The following POC1B variants were observed in gnomAD, a reference collection of about 807,000 sequenced individuals.
POC1B encodes POC1 centriolar protein homolog B.
In POC1B, 44 loss-of-function variants were observed where a neutral mutation model predicts 60.6. The ratio of observed to expected loss-of-function variants is 0.73; its 90% CI spans 0.57 to 0.93. POC1B has a LOEUF of 0.93. Among genes scored for constraint, POC1B ranks in the 40% least tolerant of loss-of-function variants. The probability of loss-of-function intolerance (pLI) is 0.00; values close to 1 mark genes in which losing one functional copy is unlikely to be tolerated. For missense variants in POC1B, 555 were observed against 572.3 expected (o/e 0.97, Z 0.31); for synonymous variants, 180 against 198.9 (o/e 0.90, Z 0.80).
intron 2 of POC1B, among the ~76,000 whole-genome samples, chr12:89,516,356 C>T (rs1375669461): frequency 6.6e-6 from 1 of 152,130 alleles, no homozygotes; most frequent in Non-Finnish European, 1.5e-5. Context: ...TCATTCATTC[C>T]CATGACACTA....
chr12:89,514,402 CTTTTTTTTTTT>C (rs60679774), intron 2 of POC1B, among the ~76,000 whole-genome samples: 12 of 67,094 alleles, frequency 1.8e-4, no homozygotes, highest in African/African-American at 2.4e-4. Flanking sequence ...TCATGTATTT[CTTTTTTTTTTT>C]TTTTTTTTTT....
intron 9 of POC1B, chr12:89,466,527 C>T: frequency 3.1e-6 from 1 of 327,822 alleles, no homozygotes; most frequent in South Asian, 7.6e-5. Flanking sequence ...TCACCAGAGG[C>T]CTTAGATTTA....
chr12:89,416,909 C>A (rs1201600441), downstream of POC1B, among the ~76,000 whole-genome samples: 2 of 152,158 alleles, frequency 1.3e-5, no homozygotes, highest in Non-Finnish European at 2.9e-5. Context: ...ATTAAAATTC[C>A]AAAGCCTTAG....
At chr12:89,479,430 T>G (rs1378587687) in intron 4 of POC1B, among the ~76,000 whole-genome samples, 1 of 152,200 alleles carries the variant, frequency 6.6e-6, no homozygotes, top group Admixed American at 6.5e-5. Context: ...TTTGGACACA[T>G]TTTTGGTTGT....
chr12:89,433,782 G>T (rs1158570839), intron 10 of POC1B, among the ~76,000 whole-genome samples: 1 of 152,190 alleles, frequency 6.6e-6, no homozygotes, highest in Admixed American at 6.5e-5. Context: ...TTGACAAAGA[G>T]GATGGCTGCC....
chr12:89,502,616 A>G lies in POC1B; in HGVS notation c.101-5274T>C. ...AAAGGACCCAGAAACAAGAGAGATTATTCTCATGGATCTTGTAAGGCCACA... is the reference window on the plus strand; with the variant it reads ...AAAGGACCCAGAAACAAGAGAGATTGTTCTCATGGATCTTGTAAGGCCACA... On this transcript the variant is annotated intron_variant, in intron 2 of 11. Transcript: ENST00000313546. 3.1e-6 allele frequency: 4 copies of G among 1,300,306 alleles called. No homozygotes were observed. The South Asian group carries it at 5.0e-5, about 16-fold the overall frequency. The allele number at this position is 1,300,306 out of a possible 1,614,324, so 80.5% of individuals were successfully genotyped here.
chr12:89,470,376 T>G lies in POC1B; in HGVS notation c.795A>C (p.Thr265=). Residue 265 remains threonine (T), a synonymous_variant, in exon 7 of 12, where the codon ACA becomes ACC. Transcript: ENST00000313546. ...GTGTTAATACCGTATGTCCTTGAAG[T>G]GTATAGATGAGCCTTCCTTCTAAGA... is the stretch of plus-strand genomic sequence containing the variant. ...LDLLEGRLIY[T]LQGHTGPVFT... 1 of 1,551,558 alleles carries G rather than the reference T, an allele frequency of 6.4e-7. No homozygotes were observed. Among genetic ancestry groups the G allele is most frequent in the Non-Finnish European group, 8.8e-7 (1 of 1,137,246 alleles).
intron 4 of POC1B, among the ~76,000 whole-genome samples, chr12:89,480,264 G>A (rs1324018605): frequency 1.3e-5 from 2 of 151,782 alleles, no homozygotes; most frequent in Admixed American, 1.3e-4. Context: ...AACCTCCAAA[G>A]TAGCTGGGAC....
chr12:89,472,275 T>A lies in POC1B; in HGVS notation c.453A>T (p.Lys151Asn), dbSNP rs755173263. The change falls in exon 5 of 12, where the codon AAA becomes AAT. Residue 151 changes from lysine (K) to asparagine (N), a missense_variant and splice_region_variant. Coordinates refer to ENST00000313546, the MANE Select transcript of POC1B (RefSeq NM_172240.3). The part of the protein sequence containing the change: ...YRHTHWVRCA[K>N]FSPDGRLIVS... ...CAATTAGTCTTCCATCGGGTGAAAA[T>A]CTAGAAAGAAGAAGAAAGAAGATGT... 6.5e-7 allele frequency: 1 copy of A among 1,531,580 alleles called. No individual in the cohort carries two copies. The highest frequency in any genetic ancestry group is 2.3e-5 in the East Asian group (1 of 42,584). The allele number at this position is 1,531,580 out of a possible 1,614,324, so 94.9% of individuals were successfully genotyped here. A position where few individuals can be genotyped will look rare whatever the true frequency, so the allele number is the denominator to read the frequency against.
rs1377461168 is a variant in POC1B, at chr12:89,423,430, GC to G, written c.1332+1730del. 2.0e-5 allele frequency among the ~76,000 whole-genome samples: 3 copies of G among 152,132 alleles called. No homozygotes were observed. In the South Asian group the frequency reaches 6.2e-4, roughly 32 times the overall value. ...TGGGATTATAGGTGTGAGCCATTGT[GC>G]CCAGCCCTTCAGACACTTTTATACA... On this transcript the variant is annotated intron_variant, in intron 11 of 11. Transcript: ENST00000313546.
At chr12:89,436,092 A>G (rs1881254109) in intron 10 of POC1B, among the ~76,000 whole-genome samples, 1 of 151,882 alleles carries the variant, frequency 6.6e-6, no homozygotes, top group Non-Finnish European at 1.5e-5. Flanking sequence ...CTACAGGTGC[A>G]CACCACCATT....
At chr12:89,503,694 C>T (rs186575219) in intron 2 of POC1B, among the ~76,000 whole-genome samples, 2,634 of 149,990 alleles carry the variant, frequency 0.018, 66 homozygotes, top group Non-Finnish European at 0.025. Context: ...TGCTGCGACC[C>T]CGTCTGGGAG....
chr12:89,434,947 A>AT (rs1189490126), intron 10 of POC1B, among the ~76,000 whole-genome samples: 3 of 151,888 alleles, frequency 2.0e-5, no homozygotes, highest in South Asian at 2.1e-4. Flanking sequence ...TGTATTTAAT[A>AT]TTTTTTCTAA....
chr12:89,503,534 C>T (rs1030166496), intron 2 of POC1B, among the ~76,000 whole-genome samples: 6 of 152,118 alleles, frequency 3.9e-5, no homozygotes, highest in Admixed American at 3.3e-4. Flanking sequence ...GCCTGGCTGC[C>T]ACCCCGTCTG....
At position 89,425,412 on chromosome 12, in the gene POC1B, T is replaced by C. The variant is rs545971255; in HGVS notation, c.1114-33A>G. 78 of 1,556,216 alleles carry C rather than the reference T, an allele frequency of 5.0e-5. No homozygotes were observed. In the South Asian group the frequency reaches 8.1e-4, roughly 16 times the overall value. On this transcript the variant is annotated intron_variant, in intron 10 of 11. Coordinates refer to ENST00000313546, the MANE Select transcript of POC1B (RefSeq NM_172240.3). ...GTCACAGAAAATGTAGGAAGAGTTA[T>C]ATTTTCCAAACTTTAAAATGATATA... is the stretch of plus-strand genomic sequence containing the variant.
At chr12:89,429,820 A>G (rs140075188) in intron 10 of POC1B, among the ~76,000 whole-genome samples, 1 of 152,320 alleles carries the variant, frequency 6.6e-6, no homozygotes, top group Non-Finnish European at 1.5e-5. Flanking sequence ...GTAGTTCATA[A>G]AAAGAAGAAA....
At position 89,524,581 on chromosome 12, in the gene POC1B, C is replaced by T. The variant is rs557660909; in HGVS notation, c.100+539G>A. On this transcript the variant is annotated intron_variant, in intron 2 of 11. Coordinates refer to ENST00000313546, the MANE Select transcript of POC1B (RefSeq NM_172240.3). ...TCTCAGGGCTGAGGCGCAGACGCGG[C>T]CACCAAGCCACCACGCAGGGGAAGG... 66 of 1,606,408 alleles carry T rather than the reference C, an allele frequency of 4.1e-5. No homozygotes were observed. The African/African-American group carries it at 8.0e-4, about 20-fold the overall frequency.
In POC1B at chr12:89,524,269, T is replaced by C. The variant is rs771653190; in HGVS notation, c.100+851A>G. 6 of 1,614,030 alleles carry C rather than the reference T, an allele frequency of 3.7e-6. No homozygotes were observed. In the South Asian group the frequency reaches 4.4e-5, roughly 12 times the overall value. Reference sequence around the variant, plus strand: ...GATGGCGTATCTCTCAATGAGTTCTTCTTGCTGCTTCAGTTCATCCTCGTT... The same window carrying C: ...GATGGCGTATCTCTCAATGAGTTCTCCTTGCTGCTTCAGTTCATCCTCGTT... On this transcript the variant is annotated intron_variant, in intron 2 of 11. Transcript: ENST00000313546.
At chr12:89,519,178 A>T (rs10858892) in intron 2 of POC1B, among the ~76,000 whole-genome samples, 110,053 of 152,026 alleles carry the variant, frequency 0.72, 39,943 homozygotes, top group Middle Eastern at 0.82. Context: ...CAGAGATCCC[A>T]GATCATTTCT....
Sources: allele counts gnomAD v4.1 joint callset (sites outside exome capture counted in the v4.1 genomes callset), GRCh38; gene constraint gnomAD v4.1.1; transcripts MANE v1.5; gene names NCBI Gene and HGNC (gene_info 2026-07-23, HGNC 2026-07-21).